The following SATL1 variants were observed in gnomAD, a reference collection of about 807,000 sequenced individuals.
SATL1 encodes the protein spermidine/spermine N1-acetyl transferase like 1.
In SATL1, 47 loss-of-function variants were observed where a neutral mutation model predicts 51.8. That is an observed-to-expected ratio of 0.91 (90% CI 0.72 to 1.16). The LOEUF (loss-of-function observed/expected upper bound fraction) is 1.16. SATL1 is among the 50% of genes most tolerant of loss of function. The pLI, the probability that SATL1 is intolerant of heterozygous loss-of-function variation, is 0.00. For synonymous variants in SATL1, 176 were observed against 182.4 expected (o/e 0.97, Z 0.28); for missense variants, 520 against 526.4 (o/e 0.99, Z 0.12).
chrX:85,149,053 G>A (rs1354960748), intron 2 of SATL1, among the ~76,000 whole-genome samples: 1 of 111,711 alleles, frequency 9.0e-6, no homozygotes, highest in Non-Finnish European at 1.9e-5. Flanking sequence ...CCATCAGTGT[G>A]CTGTATTCAG....
At chrX:85,220,666 A>C (rs1178938568) in intron 2 of SATL1, among the ~76,000 whole-genome samples, 15 of 91,974 alleles carry the variant, frequency 1.6e-4, no homozygotes, top group Non-Finnish European at 3.1e-4. Flanking sequence ...AAAAAAAAAA[A>C]AAAAAAAAAA....
At chrX:85,138,454 T>C (rs981846354) in intron 2 of SATL1, among the ~76,000 whole-genome samples, 1 of 111,783 alleles carries the variant, frequency 8.9e-6, no homozygotes. Context: ...TAGTAAGGTA[T>C]TGAAAGTGTG....
intron 2 of SATL1, among the ~76,000 whole-genome samples, chrX:85,128,613 T>C (rs145910008): frequency 0.085 from 9,535 of 111,922 alleles, 340 homozygotes; most frequent in South Asian, 0.21. Context: ...TTCACTCTGA[T>C]GGTAGTTTCT....
At chrX:85,148,140 G>A (rs1466342733) in intron 2 of SATL1, among the ~76,000 whole-genome samples, 1 of 111,765 alleles carries the variant, frequency 8.9e-6, no homozygotes, top group Non-Finnish European at 1.9e-5. Flanking sequence ...GGAGCTGATG[G>A]AGCTGAAAGC....
At chrX:85,092,648 T>A in intron 7 of SATL1, 87 bp from the exon 8 acceptor site, 1 of 838,005 alleles carries the variant, frequency 1.2e-6, no homozygotes, top group Non-Finnish European at 1.7e-6. Flanking sequence ...GTCTACTCTA[T>A]GCAAGACACT....
At chrX:85,133,575 G>A (rs746101469) in intron 2 of SATL1, among the ~76,000 whole-genome samples, 37 of 112,354 alleles carry the variant, frequency 3.3e-4, no homozygotes, top group Non-Finnish European at 6.0e-4. Flanking sequence ...CCTTGGCTAG[G>A]AAAGGGAAAT....
intron 2 of SATL1, chrX:85,211,887 G>A (rs1290447802): frequency 9.0e-6 from 1 of 111,424 alleles, no homozygotes; most frequent in Non-Finnish European, 1.9e-5. Flanking sequence ...ATTAGTCCTG[G>A]AGCTATCTTG....
chrX:85,096,346 G>A (rs898716532), intron 4 of SATL1, among the ~76,000 whole-genome samples: 4 of 110,893 alleles, frequency 3.6e-5, no homozygotes, highest in Non-Finnish European at 5.7e-5. Context: ...ACTAGGCCAG[G>A]TGAAATTATT....
chrX:85,141,841 T>C (rs972518259), intron 2 of SATL1, among the ~76,000 whole-genome samples: 2 of 108,930 alleles, frequency 1.8e-5, no homozygotes, highest in Non-Finnish European at 3.8e-5. Flanking sequence ...TATAACCTTT[T>C]GTATCTTATT....
At chrX:85,132,091 T>C (rs1925821658) in intron 2 of SATL1, among the ~76,000 whole-genome samples, 1 of 111,283 alleles carries the variant, frequency 9.0e-6, no homozygotes, top group Non-Finnish European at 1.9e-5. Context: ...ATTTTTTCCT[T>C]CATTTCAACC....
intron 2 of SATL1, among the ~76,000 whole-genome samples, chrX:85,172,908 G>T (rs1927002528): frequency 9.0e-6 from 1 of 111,256 alleles, no homozygotes; most frequent in Admixed American, 9.6e-5. Context: ...AAAAAGAAAA[G>T]CCAAGAGAAA....
intron 2 of SATL1, among the ~76,000 whole-genome samples, chrX:85,178,599 A>C (rs1927130770): frequency 1.0e-5 from 1 of 98,025 alleles, no homozygotes; most frequent in African/African-American, 4.3e-5. Context: ...ACTTCAGCCC[A>C]CACAAAATGC....
intron 2 of SATL1, among the ~76,000 whole-genome samples, chrX:85,132,774 C>T (rs1173529781): frequency 8.9e-6 from 1 of 112,100 alleles, no homozygotes; most frequent in Non-Finnish European, 1.9e-5. Flanking sequence ...CTGGTTTCTC[C>T]TCATCTTTGT....
chrX:85,147,747 C>T (rs1684013504), intron 2 of SATL1, among the ~76,000 whole-genome samples: 1 of 112,175 alleles, frequency 8.9e-6, no homozygotes, highest in African/African-American at 3.2e-5. Context: ...CTCCAACAGA[C>T]CTGCAGCTGA....
chrX:85,130,459 G>T (rs1333168343), intron 2 of SATL1, among the ~76,000 whole-genome samples: 1 of 111,434 alleles, frequency 9.0e-6, no homozygotes, highest in Non-Finnish European at 1.9e-5. Context: ...ATTCTCTGAT[G>T]GTAGTTTGTA....
chrX:85,143,428 T>C (rs917383289), intron 2 of SATL1: 2 of 111,678 alleles, frequency 1.8e-5, no homozygotes, highest in African/African-American at 6.5e-5. Flanking sequence ...ACTCTCATGA[T>C]GGTGGATCGC....
chrX:85,150,810 G>T lies in SATL1; in HGVS notation c.-312-41530C>A, dbSNP rs371108231. On this transcript the variant is annotated intron_variant, in intron 2 of 7. Transcript: ENST00000644105. ...TCAATAAATTAGGTATTGATGGGAC[G>T]TATCTCAAAATAATAAGAGCTATCT... is the stretch of plus-strand genomic sequence containing the variant. Among the ~76,000 whole-genome samples the T allele has an allele frequency of 3.7e-5, 4 of 107,810 alleles. No individual in the cohort carries two copies. In the South Asian group the frequency reaches 1.7e-3, roughly 46 times the overall value. The allele number at this position is 107,810 out of a possible 115,157, so 93.6% of individuals were successfully genotyped here. A position where few individuals can be genotyped will look rare whatever the true frequency, so the allele number is the denominator to read the frequency against.
Position 85,217,529 on chromosome X carries a change from C to A in SATL1, c.-313+6676G>T, listed in dbSNP as rs920053072. Among the ~76,000 whole-genome samples, 66 of 111,325 alleles carry A rather than the reference C, an allele frequency of 5.9e-4. 4 individuals are homozygous for A. Among genetic ancestry groups the A allele is most frequent in the Non-Finnish European group, 1.9e-5 (1 of 52,998 alleles). On this transcript the variant is annotated intron_variant, in intron 2 of 7. Transcript: ENST00000644105. ...TGTGCCTAAAGTTCCTTAGGAAAAGCCGTGGAAAAGGTTCATCTCAGTCTC... is the reference window on the plus strand; with the variant it reads ...TGTGCCTAAAGTTCCTTAGGAAAAGACGTGGAAAAGGTTCATCTCAGTCTC...
chrX:85,127,780 T>C (rs1925663625), intron 2 of SATL1, among the ~76,000 whole-genome samples: 1 of 111,092 alleles, frequency 9.0e-6, no homozygotes, highest in Non-Finnish European at 1.9e-5. Flanking sequence ...TTTCTCCTAA[T>C]GCTATCCCTC....
Sources: gnomAD v4.1 joint callset for allele counts (sites outside exome capture counted in the v4.1 genomes callset) on GRCh38, gnomAD v4.1.1 for gene constraint, MANE v1.5 for transcripts, NCBI Gene and HGNC (gene_info 2026-07-23, HGNC 2026-07-21) for gene names.